Variants in BMP2K observed in about 807,000 individuals in gnomAD.
BMP2K encodes BMP-2-inducible protein kinase.
A neutral mutation model predicts 116.0 loss-of-function variants in BMP2K; 74 were observed. The observed-to-expected ratio is 0.64, with a 90% CI of 0.53 to 0.77. The LOEUF is 0.77. Among genes scored for constraint, BMP2K ranks in the 30% least tolerant of loss-of-function variants. BMP2K has a pLI of 0.00. For missense variants in BMP2K, 1,365 were observed against 1,403.6 expected, an observed-to-expected ratio of 0.97 and a Z score of 0.44; for synonymous variants, 486 against 502.5, an observed-to-expected ratio of 0.97 and a Z score of 0.44.
chr4:78,794,572 C>A (rs369365020), intron 1 of BMP2K, among the ~76,000 whole-genome samples: 1 of 152,130 alleles, frequency 6.6e-6, no homozygotes, highest in East Asian at 1.9e-4. Flanking sequence ...GGTAATCATT[C>A]TATTTTTTTT....
chr4:78,789,329 AT>A (rs1299561130), intron 1 of BMP2K, among the ~76,000 whole-genome samples: 1 of 151,834 alleles, frequency 6.6e-6, no homozygotes, highest in Non-Finnish European at 1.5e-5. Context: ...TCTTTCTTTT[AT>A]TTTTATTTTT....
At chr4:78,907,449 G>A (rs1734342791) in intron 15 of BMP2K, among the ~76,000 whole-genome samples, 1 of 152,122 alleles carries the variant, frequency 6.6e-6, no homozygotes, top group Non-Finnish European at 1.5e-5. Context: ...TCTCCAAGAT[G>A]AATTATCTGT....
At chr4:78,833,482 C>A (rs1334346234) in intron 2 of BMP2K, 100 bp from the exon 3 acceptor site, 1 of 782,762 alleles carries the variant, frequency 1.3e-6, no homozygotes, top group East Asian at 2.7e-5. Flanking sequence ...CTAATTCTTA[C>A]CTTTTGAAAT....
intron 3 of BMP2K, 36 bp from the exon 4 acceptor site, chr4:78,842,348 TA>T (rs1211114580): frequency 3.9e-6 from 6 of 1,525,722 alleles, no homozygotes; most frequent in Non-Finnish European, 4.5e-6. Context: ...CTTTATTTAT[TA>T]AAAATATGTC....
intron 14 of BMP2K, among the ~76,000 whole-genome samples, chr4:78,880,848 T>G (rs977252562): frequency 6.6e-6 from 1 of 152,204 alleles, no homozygotes; most frequent in African/African-American, 2.4e-5. Context: ...ACTTCAGACT[T>G]TGCAGTATTA....
intron 1 of BMP2K, among the ~76,000 whole-genome samples, chr4:78,812,195 CT>C (rs1729127200): frequency 6.6e-6 from 1 of 152,140 alleles, no homozygotes; most frequent in Non-Finnish European, 1.5e-5. Context: ...TCTCAAACTC[CT>C]GACCTCACGT....
At chr4:78,832,421 G>A (rs1730253168) in intron 2 of BMP2K, among the ~76,000 whole-genome samples, 1 of 152,004 alleles carries the variant, frequency 6.6e-6, no homozygotes, top group Non-Finnish European at 1.5e-5. Context: ...AATCCCTTTT[G>A]TTAGCAAATA....
chr4:78,822,619 ACT>A (rs1194920736), intron 1 of BMP2K, among the ~76,000 whole-genome samples: 1 of 152,122 alleles, frequency 6.6e-6, no homozygotes, highest in Non-Finnish European at 1.5e-5. Context: ...GCTTTATAAT[ACT>A]CTCATAATTT....
At chr4:78,887,534 T>C (rs1456074657) in intron 15 of BMP2K, among the ~76,000 whole-genome samples, 1 of 152,192 alleles carries the variant, frequency 6.6e-6, no homozygotes, top group Non-Finnish European at 1.5e-5. Flanking sequence ...TCATCTTTAT[T>C]ATTGGATACT....
At chr4:78,794,182 TG>T (rs1371086497) in intron 1 of BMP2K, among the ~76,000 whole-genome samples, 1 of 152,050 alleles carries the variant, frequency 6.6e-6, no homozygotes, top group Non-Finnish European at 1.5e-5. Flanking sequence ...ATCTTGGATC[TG>T]GGGGGGAATC....
chr4:78,797,972 G>A (rs1421656689), intron 1 of BMP2K, among the ~76,000 whole-genome samples: 1 of 152,024 alleles, frequency 6.6e-6, no homozygotes, highest in Non-Finnish European at 1.5e-5. Context: ...GTGCCACCAC[G>A]CCTGACTAAT....
At chr4:78,802,565 C>T (rs1413224462) in intron 1 of BMP2K, among the ~76,000 whole-genome samples, 2 of 152,058 alleles carry the variant, frequency 1.3e-5, no homozygotes, top group Non-Finnish European at 2.9e-5. Flanking sequence ...GTATTAAGAC[C>T]TGGAATGTTT....
Position 78,791,618 on chromosome 4 carries a change from C to T in BMP2K, c.178+14897C>T, listed in dbSNP as rs528857555. Among the ~76,000 whole-genome samples the T allele has an allele frequency of 8.5e-5, 13 of 152,260 alleles. No homozygotes were observed. The East Asian group carries it at 2.3e-3, about 27-fold the overall frequency. On this transcript the variant is annotated intron_variant, in intron 1 of 15. Transcript: ENST00000502613. ...CACCAACTTTCCACTTCCCCTATTCCTTTAGACCCTGATAACCATGATTTA... is the reference window on the plus strand; with the variant it reads ...CACCAACTTTCCACTTCCCCTATTCTTTTAGACCCTGATAACCATGATTTA...
chr4:78,799,221 A>G (rs897711350), intron 1 of BMP2K, among the ~76,000 whole-genome samples: 3 of 152,010 alleles, frequency 2.0e-5, no homozygotes, highest in Admixed American at 1.3e-4. Context: ...TGTTTGCTAC[A>G]TATTTCAATA....
At chr4:78,867,184 GA>G (rs1042973802) in intron 10 of BMP2K, among the ~76,000 whole-genome samples, 11 of 150,310 alleles carry the variant, frequency 7.3e-5, no homozygotes, top group Non-Finnish European at 1.3e-4. Context: ...AAAAAAAAAA[GA>G]AAAAAAGAAA....
intron 3 of BMP2K, among the ~76,000 whole-genome samples, chr4:78,836,057 C>G (rs1730462704): frequency 6.6e-6 from 1 of 151,582 alleles, no homozygotes; most frequent in African/African-American, 2.4e-5. Flanking sequence ...TAGTAATTAC[C>G]TCGGTTTTCA....
chr4:78,793,768 A>G (rs1398354345), intron 1 of BMP2K, among the ~76,000 whole-genome samples: 1 of 152,230 alleles, frequency 6.6e-6, no homozygotes, highest in Non-Finnish European at 1.5e-5. Context: ...AAAAGAACAT[A>G]GAAGACCTTA....
intron 1 of BMP2K, among the ~76,000 whole-genome samples, chr4:78,781,867 A>G (rs1020162445): frequency 2.0e-5 from 3 of 152,290 alleles, no homozygotes; most frequent in Admixed American, 6.5e-5. Flanking sequence ...GAGCGGGCGA[A>G]GAAGACTAAG....
At chr4:78,908,907 C>T (rs1040527428) in intron 15 of BMP2K, among the ~76,000 whole-genome samples, 2 of 152,160 alleles carry the variant, frequency 1.3e-5, no homozygotes, top group Non-Finnish European at 1.5e-5. Context: ...GTTAATGGTG[C>T]TGCCATCCAC....
Sources: gnomAD v4.1 joint callset for allele counts (sites outside exome capture counted in the v4.1 genomes callset) on GRCh38, gnomAD v4.1.1 for gene constraint, MANE v1.5 for transcripts, NCBI Gene and HGNC (gene_info 2026-07-23, HGNC 2026-07-21) for gene names.